The following KY variants were observed in gnomAD, a reference collection of about 807,000 sequenced individuals.
The protein encoded by KY is kyphoscoliosis peptidase.
Under a neutral mutation model 76.1 loss-of-function variants are expected in KY, and 43 were observed. The observed-to-expected ratio is 0.57, with a 90% confidence interval of 0.44 to 0.73. The LOEUF (loss-of-function observed/expected upper bound fraction) is 0.73. KY is among the 30% of genes least tolerant of loss of function. The probability of loss-of-function intolerance (pLI) is 0.00; values close to 1 mark genes in which losing one functional copy is unlikely to be tolerated. For synonymous variants in KY, 277 were observed against 326.2 expected (o/e 0.85, Z 1.63); for missense variants, 722 against 828.9 (o/e 0.87, Z 1.58).
Position 134,608,834 on chromosome 3 carries a change from T to C in KY, c.905A>G (p.Asn302Ser), listed in dbSNP as rs915639571. Reference protein sequence around the residue: ...TITSKFTFLYNEFYFLTHPAL... With the variant: ...TITSKFTFLYSEFYFLTHPAL... Reference sequence around the variant, plus strand: ...AGGGTGGGTGAGGAAGTAGAACTCATTGTAGCTGGAGCAGAGACAAGCTGG... The same window carrying C: ...AGGGTGGGTGAGGAAGTAGAACTCACTGTAGCTGGAGCAGAGACAAGCTGG... Residue 302 changes from asparagine (N) to serine (S), a missense_variant, in exon 10 of 11, where the codon AAT (asparagine) becomes AGT (serine). By Grantham distance (46) the Asn-to-Ser change is conservative. Transcript: ENST00000423778. 2 of 1,608,196 alleles carry C rather than the reference T, an allele frequency of 1.2e-6. No homozygotes were observed. Among genetic ancestry groups the C allele is most frequent in the East Asian group, 2.2e-5 (1 of 44,796 alleles).
At position 134,603,805 on chromosome 3, in the gene KY, C is replaced by A. The variant is rs557329618; in HGVS notation, c.1760G>T (p.Gly587Val). Residue 587 changes from glycine to valine, a missense_variant, in exon 11 of 11, where the codon GGT becomes GTT. By Grantham distance (109) the Gly-to-Val change is moderately radical. Around this residue, in one of 2 missense-constraint regions of KY, gnomAD observed 552 missense variants for 680.9 expected, o/e 0.81. Transcript: ENST00000423778. ...QDNELLEPLSGVLPANRNVPF... is the reference protein window; with the variant it reads ...QDNELLEPLSVVLPANRNVPF... ...GACATTCCGGTTGGCAGGAAGCACA[C>A]CTGACAGAGGTTCCAGCAGCTCATT... 2 of 1,613,640 alleles carry A rather than the reference C, an allele frequency of 1.2e-6. No individual in the cohort carries two copies. Among genetic ancestry groups the A allele is most frequent in the African/African-American group, 2.7e-5 (2 of 74,924 alleles).
chr3:134,608,494 C>T (rs1200884966), intron 10 of KY, 155 bp downstream of exon 10: 1 of 1,549,620 alleles, frequency 6.5e-7, no homozygotes, highest in Non-Finnish European at 8.7e-7. Context: ...GCAGCCTCCA[C>T]TCATCCACAT....
At chr3:134,645,550 G>A (rs576767233) in intron 2 of KY, among the ~76,000 whole-genome samples, 26 of 152,308 alleles carry the variant, frequency 1.7e-4, no homozygotes, top group South Asian at 4.1e-4. Flanking sequence ...TCAGAATCTC[G>A]ACATCAGAAA....
intron 5 of KY, 26 bp downstream of exon 5, chr3:134,627,730 T>C: frequency 6.2e-7 from 1 of 1,608,442 alleles, no homozygotes; most frequent in Non-Finnish European, 8.5e-7. Context: ...CTCTTGAGAA[T>C]TGTCCTGGAA....
chr3:134,638,186 G>C (rs913486580), intron 3 of KY, among the ~76,000 whole-genome samples: 2 of 152,334 alleles, frequency 1.3e-5, no homozygotes, highest in Admixed American at 6.5e-5. Flanking sequence ...GCCTGGGCTG[G>C]ACACGCTGTT....
Position 134,603,433 on chromosome 3 carries a change from G to A in KY, c.*146C>T, listed in dbSNP as rs1426251742. The A allele has an allele frequency of 1.6e-5, 11 of 695,896 alleles. No individual in the cohort carries two copies. The highest frequency in any genetic ancestry group is 2.1e-5 in the Non-Finnish European group (9 of 421,744). 43.1% of individuals were successfully genotyped at this position (695,896 alleles called of 1,614,324 possible). A position where few individuals can be genotyped will look rare whatever the true frequency, so the allele number is the denominator to read the frequency against. ...TCAGAACACAAAGATCACAGCTCCT[G>A]TGGCAGAGGTGGGACACTGAGGCAG... is the stretch of plus-strand genomic sequence containing the variant. On this transcript the variant is annotated 3_prime_UTR_variant, in exon 11 of 11. Transcript: ENST00000423778.
chr3:134,618,406 G>A (rs963719586), intron 8 of KY, among the ~76,000 whole-genome samples: 5 of 152,188 alleles, frequency 3.3e-5, no homozygotes, highest in Admixed American at 1.3e-4. Context: ...ACAGTGGGCC[G>A]CTGTTCATCC....
At chr3:134,613,848 G>A (rs978036626) in intron 8 of KY, among the ~76,000 whole-genome samples, 7 of 152,146 alleles carry the variant, frequency 4.6e-5, no homozygotes, top group Non-Finnish European at 1.0e-4. Context: ...GAACCCACAG[G>A]AGTTTTGTCT....
At chr3:134,619,833 G>A (rs370310629) in intron 7 of KY, 32 of 153,406 alleles carry the variant, frequency 2.1e-4, no homozygotes, top group Admixed American at 2.6e-4. Context: ...GAGCAGTAAC[G>A]AAGTCCTATA....
In KY at chr3:134,616,806, G is replaced by A. The variant is rs188205322; in HGVS notation, c.710+2342C>T. Reference sequence around the variant, plus strand: ...GTAGGAAAACTCCACAGAGCAAAAGGACTCCAATCAATACTCAAGAAAGAC... The same window carrying A: ...GTAGGAAAACTCCACAGAGCAAAAGAACTCCAATCAATACTCAAGAAAGAC... On this transcript the variant is annotated intron_variant, in intron 8 of 10. Transcript: ENST00000423778. Among the ~76,000 whole-genome samples the A allele has an allele frequency of 2.1e-3, 313 of 152,204 alleles. 1 individual carries two copies. The highest frequency in any genetic ancestry group is 7.2e-3 in the African/African-American group (298 of 41,526).
Position 134,610,202 on chromosome 3 carries a change from T to C in KY, c.892A>G (p.Thr298Ala), listed in dbSNP as rs1401058297. The C allele has an allele frequency of 6.2e-7, 1 of 1,609,590 alleles. No homozygotes were observed. Among genetic ancestry groups the C allele is most frequent in the Non-Finnish European group, 8.5e-7 (1 of 1,177,956 alleles). ...ACTGAGACAAGTACTTACAGGAAGG[T>C]GAATTTGGAGGTGATGGTGTCCACC... ...GLVDTITSKF[T>A]FLYNEFYFLT... Residue 298 changes from threonine to alanine, a missense_variant, in exon 9 of 11, where the codon ACC (threonine) becomes GCC (alanine). Around this residue, in one of 2 missense-constraint regions of KY, gnomAD observed 552 missense variants for 680.9 expected, o/e 0.81. Coordinates refer to ENST00000423778, the MANE Select transcript of KY (RefSeq NM_178554.6).
intron 3 of KY, among the ~76,000 whole-genome samples, chr3:134,637,608 T>G (rs2107963728): frequency 6.6e-6 from 1 of 152,330 alleles, no homozygotes; most frequent in African/African-American, 2.4e-5. Flanking sequence ...GGCATAGGGT[T>G]CAACAACAAA....
chr3:134,624,065 A>G (rs1257235319), intron 6 of KY, among the ~76,000 whole-genome samples: 2 of 152,036 alleles, frequency 1.3e-5, no homozygotes, highest in African/African-American at 4.8e-5. Context: ...AGAGCCCCTC[A>G]TATCCCAAAC....
intron 1 of KY, among the ~76,000 whole-genome samples, chr3:134,650,448 G>A (rs1044849667): frequency 6.6e-5 from 10 of 151,994 alleles, no homozygotes; most frequent in African/African-American, 9.7e-5. Flanking sequence ...AGTGTGCTGT[G>A]GGGGGGAGCA....
chr3:134,649,040 C>G (rs1966771786), intron 1 of KY, among the ~76,000 whole-genome samples: 1 of 152,168 alleles, frequency 6.6e-6, no homozygotes, highest in Non-Finnish European at 1.5e-5. Context: ...CTGGCTTTGC[C>G]TGGGGTCTCC....
chr3:134,634,677 G>A (rs1054479219), intron 3 of KY, among the ~76,000 whole-genome samples: 3 of 152,304 alleles, frequency 2.0e-5, no homozygotes, highest in Non-Finnish European at 2.9e-5. Flanking sequence ...TGAACTGCAC[G>A]AGTCCACTCA....
intron 8 of KY, 39 bp downstream of exon 8, chr3:134,619,109 G>A (rs774629350): frequency 3.9e-5 from 58 of 1,504,392 alleles, no homozygotes; most frequent in Non-Finnish European, 4.8e-5. Flanking sequence ...GGAGAGGGAT[G>A]GGTCCGGTGG....
chr3:134,648,939 A>G (rs1052662740), intron 1 of KY, among the ~76,000 whole-genome samples: 8 of 152,072 alleles, frequency 5.3e-5, no homozygotes, highest in African/African-American at 1.4e-4. Flanking sequence ...AGTTTGTTTT[A>G]TATCTTGCAC....
chr3:134,650,748 C>T (rs943211927), intron 1 of KY, 77 bp downstream of exon 1: 3 of 1,348,878 alleles, frequency 2.2e-6, no homozygotes, highest in African/African-American at 3.0e-5. Flanking sequence ...CAATGGGCGC[C>T]CCCCGGCGGG....
Sources: gnomAD v4.1 joint callset for allele counts (sites outside exome capture counted in the v4.1 genomes callset) on GRCh38, gnomAD v4.1.1 for gene constraint, gnomAD v4.1.1 regional missense constraint, MANE v1.5 for transcripts, NCBI Gene and HGNC (gene_info 2026-07-23, HGNC 2026-07-21) for gene names.